The following ZNF772 variants were observed in gnomAD, a reference collection of about 807,000 sequenced individuals.
ZNF772 encodes zinc finger protein 772.
ZNF772 carries 8 observed loss-of-function variants against 11.0 expected under a neutral mutation model. That is an observed-to-expected ratio of 0.73 (90% CI 0.43 to 1.31). ZNF772 has a LOEUF of 1.31. Ranked by LOEUF, ZNF772 falls within the 50% of genes most tolerant of loss-of-function variation. ZNF772 has a pLI of 0.01. For missense variants in ZNF772, 496 were observed against 552.3 expected (o/e 0.90, Z 1.02); for synonymous variants, 155 against 180.4 (o/e 0.86, Z 1.13).
rs764423428 is a variant in ZNF772, at chr19:57,477,294, G to A, written c.16C>T (p.Pro6Ser). Reference protein sequence around the residue: MAAAEPMGPAQVPMNS... With the variant: MAAAESMGPAQVPMNS... ...GCACCCACCTGTGCCGGGCCCATCG[G>A]CTCAGCCGCCGCCATCAGGCCTGTG... is the stretch of plus-strand genomic sequence containing the variant. Residue 6 changes from proline (P) to serine (S), a missense_variant, in exon 1 of 4, where the codon CCG becomes TCG. Pro to Ser is a moderately conservative substitution (Grantham distance 74). Coordinates refer to ENST00000356584, the MANE Select transcript of ZNF772 (RefSeq NM_001144068.2). The A allele has an allele frequency of 3.2e-5, 51 of 1,593,342 alleles. No homozygotes were observed. In the South Asian group the frequency reaches 5.7e-4, roughly 18 times the overall value.
In ZNF772 at chr19:57,472,139, T is replaced by C. The variant is rs902145027; in HGVS notation, c.*1135A>G. On this transcript the variant is annotated 3_prime_UTR_variant, in exon 4 of 4. Coordinates refer to ENST00000356584, the MANE Select transcript of ZNF772 (RefSeq NM_001144068.2). The stretch of plus-strand genomic sequence containing the variant: ...GGAGCCAGAGTAATGGAAACACATG[T>C]GGATGTACCTTTAGAAGGGTCATAT... The C allele has an allele frequency of 2.2e-6, 1 of 456,276 alleles. No homozygotes were observed. The highest frequency in any genetic ancestry group is 4.4e-6 in the Non-Finnish European group (1 of 226,960). 28.3% of individuals were successfully genotyped at this position (456,276 alleles called of 1,614,324 possible).
rs1179164697 is a variant in ZNF772, at chr19:57,475,609, G to T, written c.199+51C>A. The T allele has an allele frequency of 1.9e-6, 3 of 1,612,138 alleles. No homozygotes were observed. Among genetic ancestry groups the T allele is most frequent in the Non-Finnish European group, 2.5e-6 (3 of 1,178,734 alleles). On this transcript the variant is annotated intron_variant, in intron 3 of 3. Coordinates refer to ENST00000356584, the MANE Select transcript of ZNF772 (RefSeq NM_001144068.2). The surrounding 1 kb of genome is among the most constrained non-coding windows in gnomAD (Gnocchi z 4.2). ...AGGACAAAGATGCCCTGAAAAAAAG[G>T]GGAAGGGCAGGACCCAGTCCAAGTC...
In ZNF772 at chr19:57,473,271, A is replaced by G; in HGVS notation, c.*3T>C. On this transcript the variant is annotated 3_prime_UTR_variant, in exon 4 of 4. Transcript: ENST00000356584. Reference sequence around the variant, plus strand: ...GAACAAGGAAACGGAATTATCTCCCATCCTAAGGCCTTTCTCCAGTGTGAA... The same window carrying G: ...GAACAAGGAAACGGAATTATCTCCCGTCCTAAGGCCTTTCTCCAGTGTGAA... 6.2e-7 allele frequency: 1 copy of G among 1,607,162 alleles called. No homozygotes were observed. Among genetic ancestry groups the G allele is most frequent in the South Asian group, 1.1e-5 (1 of 90,682 alleles).
Position 57,475,146 on chromosome 19 carries a change from C to A in ZNF772, c.199+514G>T. 1 of 1,614,060 alleles carries A rather than the reference C, an allele frequency of 6.2e-7. No homozygotes were observed. On this transcript the variant is annotated intron_variant, in intron 3 of 3. Transcript: ENST00000356584. The surrounding 1 kb of genome is among the most constrained non-coding windows in gnomAD (Gnocchi z 4.2). ...TATGTGGGACATGAAAGATGTATGTCCTAAGGGAAAGATAGAACAGCACTG... is the reference window on the plus strand; with the variant it reads ...TATGTGGGACATGAAAGATGTATGTACTAAGGGAAAGATAGAACAGCACTG...
chr19:57,475,437 G>A lies in ZNF772; in HGVS notation c.199+223C>T, dbSNP rs2089271466. Among the ~76,000 whole-genome samples the A allele has an allele frequency of 6.6e-6, 1 of 152,238 alleles. No individual in the cohort carries two copies. Among genetic ancestry groups the A allele is most frequent in the South Asian group, 2.1e-4 (1 of 4,836 alleles). On this transcript the variant is annotated intron_variant, in intron 3 of 3. Coordinates refer to ENST00000356584, the MANE Select transcript of ZNF772 (RefSeq NM_001144068.2). The surrounding 1 kb of genome is among the most constrained non-coding windows in gnomAD (Gnocchi z 4.2). ...GCTGACAATACAATGCATAACTCCTGAATCCATGCCTGCAAGGCTCTGAGA... is the reference window on the plus strand; with the variant it reads ...GCTGACAATACAATGCATAACTCCTAAATCCATGCCTGCAAGGCTCTGAGA...
At position 57,474,087 on chromosome 19, in the gene ZNF772, C is replaced by G; in HGVS notation, c.534G>C (p.Glu178Asp). 1 of 1,614,134 alleles carries G rather than the reference C, an allele frequency of 6.2e-7. No homozygotes were observed. The highest frequency in any genetic ancestry group is 8.5e-7 in the Non-Finnish European group (1 of 1,179,992). The change falls in exon 4 of 4, where the codon GAG becomes GAC. Residue 178 changes from glutamate to aspartate, a missense_variant. Coordinates refer to ENST00000356584, the MANE Select transcript of ZNF772 (RefSeq NM_001144068.2). ...AAGCCTCCCCTGTCACAAAAGACATCTCCATTGATTGCACAGCACAGTTGT... is the reference window on the plus strand; with the variant it reads ...AAGCCTCCCCTGTCACAAAAGACATGTCCATTGATTGCACAGCACAGTTGT... ...LLNNCAVQSMEMSFVTGEACK... is the reference protein window; with the variant it reads ...LLNNCAVQSMDMSFVTGEACK...
rs2089210915 is a variant in ZNF772, at chr19:57,471,296, A to G, written c.*1978T>C. Reference sequence around the variant, plus strand: ...AGAAAGAAAGTTAGGGACAAATATCACTCGTGAACATTGGTGCAAAACTTG... The same window carrying G: ...AGAAAGAAAGTTAGGGACAAATATCGCTCGTGAACATTGGTGCAAAACTTG... On this transcript the variant is annotated 3_prime_UTR_variant, in exon 4 of 4. Coordinates refer to ENST00000356584, the MANE Select transcript of ZNF772 (RefSeq NM_001144068.2). 1 of 151,874 alleles carries G rather than the reference A, an allele frequency of 6.6e-6. No homozygotes were observed. Among genetic ancestry groups the G allele is most frequent in the African/African-American group, 2.4e-5 (1 of 41,348 alleles). The allele number at this position is 151,874 out of a possible 1,614,324, so 9.4% of individuals were successfully genotyped here. A position where few individuals can be genotyped will look rare whatever the true frequency, so the allele number is the denominator to read the frequency against.
chr19:57,476,527 C>T (rs2074065), intron 2 of ZNF772, 107 bp downstream of exon 2: 434,482 of 1,405,002 alleles, frequency 0.31, 71,400 homozygotes, highest in Middle Eastern at 0.35. Flanking sequence ...GTCCTCAGAC[C>T]CAAGAGATCG....
chr19:57,474,454 T>C, intron 3 of ZNF772, 33 bp from the exon 4 acceptor site: 1 of 1,578,836 alleles, frequency 6.3e-7, no homozygotes, highest in East Asian at 2.2e-5. Context: ...GAAGTACAAA[T>C]TGACACAGGT....
chr19:57,472,464 A>T lies in ZNF772; in HGVS notation c.*810T>A, dbSNP rs1397135978. The T allele has an allele frequency of 2.8e-5, 7 of 246,096 alleles. No individual in the cohort carries two copies. The highest frequency in any genetic ancestry group is 1.6e-4 in the African/African-American group (7 of 43,318). 15.2% of individuals were successfully genotyped at this position (246,096 alleles called of 1,614,324 possible). ...TTACACAAAAAATCTTAACATATAG[A>T]CCAAAAGATTAGGCCTACAAAGACT... On this transcript the variant is annotated 3_prime_UTR_variant, in exon 4 of 4. Transcript: ENST00000356584.
In ZNF772 at chr19:57,475,039, C is replaced by T. The variant is rs2089266291; in HGVS notation, c.200-618G>A. On this transcript the variant is annotated intron_variant, in intron 3 of 3. Transcript: ENST00000356584. This position sits in a 1 kb window ranked among gnomAD's most constrained non-coding sequence, Gnocchi z 4.2. ...TCCTACTCACCAGGGTCACTCCCAC[C>T]TGGAGTCTCTGTGGCAACAGCTAGG... 4 of 1,614,198 alleles carry T rather than the reference C, an allele frequency of 2.5e-6. No homozygotes were observed. Among genetic ancestry groups the T allele is most frequent in the Non-Finnish European group, 3.4e-6 (4 of 1,180,030 alleles).
At chr19:57,476,696 C>T (rs778215212) in intron 1 of ZNF772, 24 bp from the exon 2 acceptor site, 63 of 1,566,402 alleles carry the variant, frequency 4.0e-5, no homozygotes, top group Non-Finnish European at 4.3e-5. Context: ...GGAGACTATG[C>T]GAGTCAAGCA....
chr19:57,476,065 C>A (rs1379977757), intron 2 of ZNF772, among the ~76,000 whole-genome samples: 1 of 152,298 alleles, frequency 6.6e-6, no homozygotes, highest in South Asian at 2.1e-4. Context: ...CCTCTGGGGT[C>A]ACTAACATCA....
chr19:57,474,381 C>T lies in ZNF772; in HGVS notation c.240G>A (p.Glu80=), dbSNP rs748748888. The T allele has an allele frequency of 3.1e-6, 5 of 1,610,752 alleles. No homozygotes were observed. In the African/African-American group the frequency reaches 6.7e-5, roughly 21 times the overall value. Residue 80 remains glutamate (E), a synonymous_variant, in exon 4 of 4, where the codon GAG becomes GAA. Transcript: ENST00000356584. The part of the protein sequence containing the change: ...HGMEDEEIPF[E]QSFSIGMSQI... ...GTGACATTCCTATAGAAAAGCTCTG[C>T]TCAAAAGGTATCTCTTCATCCTCCA...
At position 57,475,013 on chromosome 19, in the gene ZNF772, C is replaced by A; in HGVS notation, c.200-592G>T. 1 of 1,614,106 alleles carries A rather than the reference C, an allele frequency of 6.2e-7. No homozygotes were observed. Among genetic ancestry groups the A allele is most frequent in the South Asian group, 1.1e-5 (1 of 91,074 alleles). ...GCCCTGACATCACACCTTTCCCCAG[C>A]TCCTACTCACCAGGGTCACTCCCAC... On this transcript the variant is annotated intron_variant, in intron 3 of 3. Transcript: ENST00000356584. This position sits in a 1 kb window ranked among gnomAD's most constrained non-coding sequence, Gnocchi z 4.2.
Position 57,474,383 on chromosome 19 carries a change from CA to C in ZNF772, c.237del (p.Phe79LeufsTer7). The C allele has an allele frequency of 6.2e-7, 1 of 1,610,266 alleles. No individual in the cohort carries two copies. ...WHGMEDEEIP[F>X]EQSFSIGMSQ... ...GACATTCCTATAGAAAAGCTCTGCTCAAAAGGTATCTCTTCATCCTCCATTC... is the reference window on the plus strand; with the variant it reads ...GACATTCCTATAGAAAAGCTCTGCTCAAAGGTATCTCTTCATCCTCCATTC... On this transcript the variant is annotated frameshift_variant, in exon 4 of 4. Coordinates refer to ENST00000356584, the MANE Select transcript of ZNF772 (RefSeq NM_001144068.2). LOFTEE classifies it low-confidence loss of function (END_TRUNC).
At chr19:57,476,800 T>C in intron 1 of ZNF772, 128 bp from the exon 2 acceptor site, 1 of 782,882 alleles carries the variant, frequency 1.3e-6, no homozygotes, top group East Asian at 2.7e-5. Context: ...TGTGCTTCCA[T>C]CTTCAAGGAT....
In ZNF772 at chr19:57,476,330, A is replaced by T. The variant is rs1224356141; in HGVS notation, c.72+304T>A. On this transcript the variant is annotated intron_variant, in intron 2 of 3. Coordinates refer to ENST00000356584, the MANE Select transcript of ZNF772 (RefSeq NM_001144068.2). Reference sequence around the variant, plus strand: ...CGCCCCCTTGCTCTTGGTTCCCACCAGACATGACAGAGACCTGCAATTTCT... The same window carrying T: ...CGCCCCCTTGCTCTTGGTTCCCACCTGACATGACAGAGACCTGCAATTTCT... 4 of 434,718 alleles carry T rather than the reference A, an allele frequency of 9.2e-6. No homozygotes were observed. In the East Asian group the frequency reaches 1.2e-4, roughly 13 times the overall value. The allele number at this position is 434,718 out of a possible 1,614,324, so 26.9% of individuals were successfully genotyped here.
At position 57,473,439 on chromosome 19, in the gene ZNF772, C is replaced by A. The variant is rs1286481862; in HGVS notation, c.1182G>T (p.Val394=). Residue 394 remains valine (V), a synonymous_variant, in exon 4 of 4, where the codon GTG becomes GTT. Coordinates refer to ENST00000356584, the MANE Select transcript of ZNF772 (RefSeq NM_001144068.2). ...QRVHNGEKPY[V]CSECGKAFSH... is the part of the protein sequence containing the mutation. ...TAAAGGCTTTTCCACATTCACTGCA[C>A]ACATAAGGCTTTTCACCATTATGAA... 1 of 1,613,986 alleles carries A rather than the reference C, an allele frequency of 6.2e-7. No homozygotes were observed. The highest frequency in any genetic ancestry group is 8.5e-7 in the Non-Finnish European group (1 of 1,180,034).
Sources: allele counts gnomAD v4.1 joint callset (sites outside exome capture counted in the v4.1 genomes callset), GRCh38; gene constraint gnomAD v4.1.1; non-coding constraint Gnocchi (gnomAD v3.1); transcripts MANE v1.5; gene names NCBI Gene and HGNC (gene_info 2026-07-23, HGNC 2026-07-21).